The following EIF2B3 variants were observed in gnomAD, a reference collection of about 807,000 sequenced individuals.
The protein encoded by EIF2B3 is translation initiation factor eIF2B subunit gamma.
In EIF2B3, 20 loss-of-function variants were observed where a neutral mutation model predicts 54.1. The ratio of observed to expected loss-of-function variants is 0.37; its 90% CI spans 0.26 to 0.54. The LOEUF is 0.54. Ranked by LOEUF, EIF2B3 falls within the 20% of genes least tolerant of loss-of-function variation. EIF2B3 has a pLI of 0.86. For synonymous variants in EIF2B3, 153 were observed against 188.1 expected, an observed-to-expected ratio of 0.81 and a Z score of 1.52; for missense variants, 448 against 547.8, an observed-to-expected ratio of 0.82 and a Z score of 1.82.
chr1:44,850,903 A>G lies in EIF2B3; in HGVS notation c.*48T>C. On this transcript the variant is annotated 3_prime_UTR_variant, in exon 12 of 12. Transcript: ENST00000360403. Reference sequence around the variant, plus strand: ...GAGTTAAACAGGTGGGCCGGCCAACATCTGTGGCTTTGGAGGCCAAAAGGA... The same window carrying G: ...GAGTTAAACAGGTGGGCCGGCCAACGTCTGTGGCTTTGGAGGCCAAAAGGA... 3.1e-6 allele frequency: 5 copies of G among 1,606,598 alleles called. No individual in the cohort carries two copies. The highest frequency in any genetic ancestry group is 4.3e-6 in the Non-Finnish European group (5 of 1,173,224).
chr1:44,980,010 C>T (rs758953427), intron 2 of EIF2B3, among the ~76,000 whole-genome samples: 4 of 152,056 alleles, frequency 2.6e-5, no homozygotes, highest in Non-Finnish European at 5.9e-5. Flanking sequence ...TAAGCTACCA[C>T]CCTTCCTATT....
intron 4 of EIF2B3, among the ~76,000 whole-genome samples, chr1:44,929,827 C>G (rs986104803): frequency 6.6e-6 from 1 of 152,194 alleles, no homozygotes; most frequent in African/African-American, 2.4e-5. Context: ...ATTTTTCTCT[C>G]CCTCTCAGAC....
chr1:44,974,774 TA>T (rs1644436522), intron 3 of EIF2B3, among the ~76,000 whole-genome samples: 1 of 152,206 alleles, frequency 6.6e-6, no homozygotes, highest in Non-Finnish European at 1.5e-5. Flanking sequence ...ATCTATAATT[TA>T]AAAGGTCACA....
At chr1:44,883,754 T>C (rs780016806) in intron 6 of EIF2B3, among the ~76,000 whole-genome samples, 1 of 152,228 alleles carries the variant, frequency 6.6e-6, no homozygotes, top group Non-Finnish European at 1.5e-5. Flanking sequence ...CCCATCTTGA[T>C]AAATCGTCTC....
chr1:44,984,060 T>A (rs1334033274), intron 1 of EIF2B3, among the ~76,000 whole-genome samples: 2 of 151,652 alleles, frequency 1.3e-5, no homozygotes, highest in Non-Finnish European at 2.9e-5. Flanking sequence ...GCACCCGTAA[T>A]CCCAGCTACT....
chr1:44,924,243 G>T (rs1643808636), intron 5 of EIF2B3, among the ~76,000 whole-genome samples: 1 of 150,612 alleles, frequency 6.6e-6, no homozygotes, highest in African/African-American at 2.4e-5. Flanking sequence ...CCCAGCCAGA[G>T]ATTCTAATTT....
chr1:44,882,922 CTTTTTCT>C (rs1655452775), intron 6 of EIF2B3, among the ~76,000 whole-genome samples: 3 of 135,272 alleles, frequency 2.2e-5, no homozygotes, highest in African/African-American at 8.2e-5. Flanking sequence ...ACTTTTTTTT[CTTTTTCT>C]TTTTTTTTTT....
In EIF2B3 at chr1:44,971,374, A is replaced by G. The variant is rs1479293604; in HGVS notation, c.294+6941T>C. Among the ~76,000 whole-genome samples, 347 of 46,676 alleles carry G rather than the reference A, an allele frequency of 7.4e-3. 4 individuals are homozygous for G. The highest frequency in any genetic ancestry group is 1.8e-3 in the Non-Finnish European group (46 of 25,512). The allele number at this position is 46,676 out of a possible 152,430, so 30.6% of individuals were successfully genotyped here. A position where few individuals can be genotyped will look rare whatever the true frequency, so the allele number is the denominator to read the frequency against. ...TACAGAGCGAGACTCCGTCTCCAGA[A>G]AAAAAAAAAAAAAAAATCAAAGTCA... On this transcript the variant is annotated intron_variant, in intron 3 of 11. Coordinates refer to ENST00000360403, the MANE Select transcript of EIF2B3 (RefSeq NM_020365.5).
intron 3 of EIF2B3, among the ~76,000 whole-genome samples, chr1:44,962,198 TCATCAA>T (rs1368491217): frequency 2.0e-4 from 16 of 79,206 alleles, no homozygotes; most frequent in South Asian, 6.3e-4. Context: ...GTCTCAATCA[TCATCAA>T]CATCATCATC....
At chr1:44,917,830 G>A (rs1382941149) in intron 5 of EIF2B3, among the ~76,000 whole-genome samples, 1 of 126,810 alleles carries the variant, frequency 7.9e-6, no homozygotes, top group Non-Finnish European at 1.6e-5. Flanking sequence ...CTGGAGTTCA[G>A]TGGTGCGATC....
In EIF2B3 at chr1:44,978,403, A is replaced by G. The variant is rs761201445; in HGVS notation, c.206T>C (p.Met69Thr). The G allele has an allele frequency of 1.2e-5, 19 of 1,613,896 alleles. No homozygotes were observed. In the East Asian group the frequency reaches 4.0e-4, roughly 34 times the overall value. The stretch of plus-strand genomic sequence containing the variant: ...ACACACAATATCTGGCTTCATTTTC[A>G]TCTTGAATTCTGCACATAGAGCCTT... ...VQKALCAEFK[M>T]KMKPDIVCIP... The change falls in exon 3 of 12, where the codon ATG (methionine) becomes ACG (threonine). Residue 69 changes from methionine to threonine, a missense_variant. Met to Thr is a moderately conservative substitution (Grantham distance 81). This residue lies in a region of EIF2B3 where 95 missense variants were observed against 115.7 expected (regional missense o/e 0.82). Transcript: ENST00000360403.
At chr1:44,914,242 CCT>C (rs1482994408) in intron 5 of EIF2B3, among the ~76,000 whole-genome samples, 1 of 150,894 alleles carries the variant, frequency 6.6e-6, no homozygotes, top group Admixed American at 6.6e-5. Context: ...CTCACTGCAA[CCT>C]CCGCCTCCCA....
chr1:44,934,225 G>C (rs114688853), intron 4 of EIF2B3, among the ~76,000 whole-genome samples: 1 of 151,070 alleles, frequency 6.6e-6, no homozygotes, highest in East Asian at 2.0e-4. Flanking sequence ...GTAAAACCTC[G>C]TCTTTACTAA....
At chr1:44,894,131 CAGGG>C (rs1237500745) in intron 6 of EIF2B3, among the ~76,000 whole-genome samples, 2 of 152,160 alleles carry the variant, frequency 1.3e-5, no homozygotes, top group African/African-American at 4.8e-5. Context: ...CATTATAAAA[CAGGG>C]AGGAACACTC....
intron 6 of EIF2B3, among the ~76,000 whole-genome samples, chr1:44,895,885 T>G (rs1361671929): frequency 2.6e-5 from 4 of 152,240 alleles, no homozygotes; most frequent in Non-Finnish European, 5.9e-5. Flanking sequence ...TGTTCTCTTC[T>G]GCCTATCAAG....
chr1:44,967,250 C>A (rs1644352017), intron 3 of EIF2B3, among the ~76,000 whole-genome samples: 1 of 144,066 alleles, frequency 6.9e-6, no homozygotes, highest in South Asian at 2.2e-4. Context: ...AGTTCGAGAC[C>A]AGCCTGGCCA....
intron 3 of EIF2B3, chr1:44,958,744 G>A (rs1054645687): frequency 2.7e-5 from 42 of 1,562,092 alleles, no homozygotes; most frequent in Admixed American, 1.5e-4. Context: ...GATATTGTCC[G>A]CACAGAACTC....
intron 3 of EIF2B3, among the ~76,000 whole-genome samples, chr1:44,951,999 G>GT (rs1375503328): frequency 1.3e-5 from 1 of 78,482 alleles, no homozygotes; most frequent in African/African-American, 4.8e-5. Flanking sequence ...GTCTCGCTCT[G>GT]TTGCCCAGGC....
intron 2 of EIF2B3, among the ~76,000 whole-genome samples, chr1:44,978,916 C>T (rs1251963728): frequency 6.6e-6 from 1 of 151,666 alleles, no homozygotes; most frequent in African/African-American, 2.4e-5. Flanking sequence ...TGATTACAGA[C>T]GTGAACCACT....
Sources: allele counts gnomAD v4.1 joint callset (sites outside exome capture counted in the v4.1 genomes callset), GRCh38; gene constraint gnomAD v4.1.1; regional missense constraint gnomAD v4.1.1; transcripts MANE v1.5; gene names NCBI Gene and HGNC (gene_info 2026-07-23, HGNC 2026-07-21).